The following LRRC4C variants were observed in gnomAD, a reference collection of about 807,000 sequenced individuals.
LRRC4C encodes leucine rich repeat containing 4C, also known as leucine-rich repeat-containing protein 4C.
In LRRC4C, 5 loss-of-function variants were observed where a neutral mutation model predicts 33.6. That is an observed-to-expected ratio of 0.15 (90% CI 0.08 to 0.31). The LOEUF (loss-of-function observed/expected upper bound fraction) is 0.31. Among genes scored for constraint, LRRC4C ranks in the 10% least tolerant of loss-of-function variants. The probability of loss-of-function intolerance (pLI) is 1.00; values close to 1 mark genes in which losing one functional copy is unlikely to be tolerated. For missense variants in LRRC4C, 560 were observed against 796.7 expected, an observed-to-expected ratio of 0.70 and a Z score of 3.58; for synonymous variants, 329 against 302.0, an observed-to-expected ratio of 1.09 and a Z score of -0.93.
chr11:41,016,834 G>A (rs1411595649), intron 1 of LRRC4C, among the ~76,000 whole-genome samples: 1 of 152,082 alleles, frequency 6.6e-6, no homozygotes, highest in East Asian at 1.9e-4. Context: ...TTCTTCCAGA[G>A]GAGACACCTG....
intron 5 of LRRC4C, among the ~76,000 whole-genome samples, chr11:40,141,253 A>T (rs1164421928): frequency 2.0e-5 from 3 of 152,180 alleles, no homozygotes; most frequent in Non-Finnish European, 4.4e-5. Flanking sequence ...GTCAAATGGG[A>T]TGTTAAGAAT....
intron 1 of LRRC4C, among the ~76,000 whole-genome samples, chr11:41,057,706 C>G (rs913996450): frequency 4.6e-5 from 7 of 152,134 alleles, no homozygotes; most frequent in African/African-American, 1.7e-4. Flanking sequence ...TCTCTGCTGA[C>G]AGTTGCAGAG....
chr11:40,571,406 G>A (rs1957978376), intron 3 of LRRC4C, among the ~76,000 whole-genome samples: 1 of 151,972 alleles, frequency 6.6e-6, no homozygotes, highest in South Asian at 2.1e-4. Context: ...TTTATGCACT[G>A]TCATAGAACA....
chr11:40,798,721 G>A (rs1343374545), intron 2 of LRRC4C, among the ~76,000 whole-genome samples: 2 of 148,228 alleles, frequency 1.3e-5, no homozygotes, highest in Admixed American at 6.8e-5. Context: ...TCAGTTCACT[G>A]CAACCTCTGC....
At chr11:40,200,039 T>C (rs1474141881) in intron 5 of LRRC4C, among the ~76,000 whole-genome samples, 1 of 151,916 alleles carries the variant, frequency 6.6e-6, no homozygotes, top group Non-Finnish European at 1.5e-5. Flanking sequence ...GATCCCTGCT[T>C]GTCAATTAAA....
intron 3 of LRRC4C, among the ~76,000 whole-genome samples, chr11:40,629,582 TGGATTCACTCTAA>T (rs1338556202): frequency 6.6e-6 from 1 of 152,194 alleles, no homozygotes; most frequent in Non-Finnish European, 1.5e-5. Context: ...CTGACAAGAA[TGGATTCACTCTAA>T]GTCATGCACA....
At chr11:40,390,805 C>T (rs1949304973) in intron 3 of LRRC4C, among the ~76,000 whole-genome samples, 1 of 152,042 alleles carries the variant, frequency 6.6e-6, no homozygotes, top group South Asian at 2.1e-4. Context: ...ACTGTTATTG[C>T]CCATTTGTGA....
At chr11:40,310,915 T>C (rs547057981) in intron 4 of LRRC4C, among the ~76,000 whole-genome samples, 2 of 152,340 alleles carry the variant, frequency 1.3e-5, no homozygotes, top group Admixed American at 6.5e-5. Flanking sequence ...GAAAATATTT[T>C]GAAAACCATA....
At chr11:40,306,322 G>A (rs1025383867) in intron 4 of LRRC4C, among the ~76,000 whole-genome samples, 6 of 151,934 alleles carry the variant, frequency 3.9e-5, no homozygotes, top group African/African-American at 1.5e-4. Flanking sequence ...TTCCCTTTCC[G>A]TGTCTCAGTT....
intron 3 of LRRC4C, among the ~76,000 whole-genome samples, chr11:40,474,386 A>G (rs1235769554): frequency 6.6e-6 from 1 of 152,192 alleles, no homozygotes; most frequent in Non-Finnish European, 1.5e-5. Flanking sequence ...CATATGCAGA[A>G]AACTGAAGCT....
At chr11:40,603,603 C>A (rs1355506228) in intron 3 of LRRC4C, among the ~76,000 whole-genome samples, 1 of 152,118 alleles carries the variant, frequency 6.6e-6, no homozygotes, top group Non-Finnish European at 1.5e-5. Flanking sequence ...TTTGAGACAA[C>A]CCCAATTCTC....
rs115101998 is a variant in LRRC4C, at chr11:41,198,536, G to C, written c.-496+260895C>G. Among the ~76,000 whole-genome samples, 1,360 of 152,060 alleles carry C rather than the reference G, an allele frequency of 8.9e-3. 25 individuals carry two copies. Among genetic ancestry groups the C allele is most frequent in the African/African-American group, 0.031 (1,281 of 41,526 alleles). On this transcript the variant is annotated intron_variant, in intron 1 of 6. Transcript: ENST00000528697. ...TAAGCATTTGAGAATGTAATGACAAGTTGGAATCCAAACAAAAAGAGAACA... is the reference window on the plus strand; with the variant it reads ...TAAGCATTTGAGAATGTAATGACAACTTGGAATCCAAACAAAAAGAGAACA...
At chr11:40,819,664 G>T (rs1951845062) in intron 2 of LRRC4C, among the ~76,000 whole-genome samples, 1 of 151,658 alleles carries the variant, frequency 6.6e-6, no homozygotes, top group Non-Finnish European at 1.5e-5. Flanking sequence ...GAAGCTGTGT[G>T]CATAAACACA....
intron 3 of LRRC4C, among the ~76,000 whole-genome samples, chr11:40,605,796 C>G (rs916838699): frequency 6.6e-6 from 1 of 152,202 alleles, no homozygotes; most frequent in African/African-American, 2.4e-5. Context: ...ACCATAGTTC[C>G]TGCCACTAGC....
intron 4 of LRRC4C, among the ~76,000 whole-genome samples, chr11:40,304,817 T>C (rs7934161): frequency 0.98 from 148,561 of 151,722 alleles, 72,818 homozygotes; most frequent in Non-Finnish European, 1. Flanking sequence ...CTGCAACCTC[T>C]GCCTCTTGGG....
chr11:40,353,385 A>G (rs1947506305), intron 3 of LRRC4C, among the ~76,000 whole-genome samples: 1 of 152,200 alleles, frequency 6.6e-6, no homozygotes, highest in East Asian at 1.9e-4. Context: ...ATTTTTTACT[A>G]TATAATTTTT....
chr11:40,481,440 C>A (rs1271825976), intron 3 of LRRC4C, among the ~76,000 whole-genome samples: 3 of 152,112 alleles, frequency 2.0e-5, no homozygotes, highest in Non-Finnish European at 2.9e-5. Flanking sequence ...GCTTAACATA[C>A]ATACTGGGTG....
intron 1 of LRRC4C, among the ~76,000 whole-genome samples, chr11:41,351,774 C>T (rs1367051830): frequency 2.0e-5 from 3 of 152,152 alleles, no homozygotes; most frequent in East Asian, 3.9e-4. Context: ...TATACCTATC[C>T]AAACTAAGCT....
chr11:41,287,445 TG>T (rs1312910804), intron 1 of LRRC4C, among the ~76,000 whole-genome samples: 1 of 152,156 alleles, frequency 6.6e-6, no homozygotes, highest in Admixed American at 6.5e-5. Context: ...TTTTGCGTTT[TG>T]TTTTGTTTTG....
Sources: allele counts gnomAD v4.1 joint callset (sites outside exome capture counted in the v4.1 genomes callset), GRCh38; gene constraint gnomAD v4.1.1; transcripts MANE v1.5; gene names NCBI Gene and HGNC (gene_info 2026-07-23, HGNC 2026-07-21).